LCORL: variants seen among roughly 807,000 people sequenced by gnomAD.
LCORL encodes the protein ligand dependent nuclear receptor corepressor like, also known as ligand-dependent nuclear receptor corepressor-like protein.
In LCORL, 41 loss-of-function variants were observed where a neutral mutation model predicts 141.8. The observed-to-expected ratio is 0.29, with a 90% CI of 0.23 to 0.38. LCORL has a LOEUF of 0.38. Among genes scored for constraint, LCORL ranks in the 10% least tolerant of loss-of-function variants. LCORL has a pLI of 1.00. For synonymous variants in LCORL, 618 were observed against 694.1 expected, an observed-to-expected ratio of 0.89 and a Z score of 1.72; for missense variants, 1,759 against 2,035.0, an observed-to-expected ratio of 0.86 and a Z score of 2.61.
intron 7 of LCORL, among the ~76,000 whole-genome samples, chr4:17,871,820 A>G (rs1726371491): frequency 6.6e-6 from 1 of 151,928 alleles, no homozygotes; most frequent in African/African-American, 2.4e-5. Context: ...GCACTTTTTA[A>G]AGTTTTGATT....
Position 17,948,315 on chromosome 4 carries a change from T to C in LCORL, c.430+13588A>G, listed in dbSNP as rs6812473. 4.0e-3 allele frequency among the ~76,000 whole-genome samples: 602 copies of C among 152,152 alleles called. 4 individuals carry two copies. The highest frequency in any genetic ancestry group is 0.014 in the African/African-American group (582 of 41,562). On this transcript the variant is annotated intron_variant, in intron 4 of 7. Coordinates refer to ENST00000635767, the Ensembl canonical transcript of LCORL. ...GAATCTGGGCCACAGAGTAGGGTTT[T>C]AAACTTCTCATTTTCTGGAGAGCAG...
intron 4 of LCORL, among the ~76,000 whole-genome samples, chr4:17,952,227 A>T (rs1711521810): frequency 6.6e-6 from 1 of 152,116 alleles, no homozygotes; most frequent in Middle Eastern, 3.2e-3. Flanking sequence ...CACAGACGGT[A>T]ATTCAAAAAA....
chr4:17,977,868 T>C (rs558247568), intron 1 of LCORL, among the ~76,000 whole-genome samples: 7 of 152,338 alleles, frequency 4.6e-5, no homozygotes, highest in South Asian at 2.1e-4. Context: ...CTAAAAGTTA[T>C]AGAGATTTAA....
intron 1 of LCORL, among the ~76,000 whole-genome samples, chr4:18,005,944 T>C (rs1421090028): frequency 1.3e-5 from 2 of 152,204 alleles, no homozygotes; most frequent in Non-Finnish European, 2.9e-5. Context: ...GGCTCCTCAT[T>C]ACTCACGCAA....
intron 7 of LCORL, among the ~76,000 whole-genome samples, chr4:17,868,402 A>C (rs1443700675): frequency 6.6e-6 from 1 of 152,100 alleles, no homozygotes; most frequent in Non-Finnish European, 1.5e-5. Context: ...TAGGATGGCT[A>C]CTATTATTAC....
At chr4:17,908,518 CTCT>C (rs946388420) in intron 5 of LCORL, among the ~76,000 whole-genome samples, 3 of 152,280 alleles carry the variant, frequency 2.0e-5, no homozygotes, top group Non-Finnish European at 2.9e-5. Flanking sequence ...ACTTAAAAGG[CTCT>C]TCTTCTTGCC....
Position 18,021,472 on chromosome 4 carries a change from C to G in LCORL, c.154+126G>C. On this transcript the variant is annotated intron_variant, in intron 1 of 7. Transcript: ENST00000635767. The surrounding 1 kb of genome is among the most constrained non-coding windows in gnomAD (Gnocchi z 5.5). ...CCGGGGCCGCCGCGCCGCGCCGCTC[C>G]CATCTCGCTCCCCCACCGAACTAAC... The G allele has an allele frequency of 2.6e-6, 2 of 766,636 alleles. No homozygotes were observed. The highest frequency in any genetic ancestry group is 3.8e-6 in the Non-Finnish European group (2 of 519,530). The allele number at this position is 766,636 out of a possible 1,614,324, so 47.5% of individuals were successfully genotyped here. A position where few individuals can be genotyped will look rare whatever the true frequency, so the allele number is the denominator to read the frequency against.
exon 7 of LCORL, chr4:17,875,079 T>C: frequency 8.1e-7 from 1 of 1,233,720 alleles, no homozygotes; most frequent in African/African-American, 1.5e-5. Context: ...CCTTATTTTA[T>C]CCATTTGAGT....
chr4:17,848,490 C>A (rs1723196807), intron 7 of LCORL, among the ~76,000 whole-genome samples: 1 of 152,238 alleles, frequency 6.6e-6, no homozygotes, highest in South Asian at 2.1e-4. Flanking sequence ...GCTGAGACTA[C>A]AAGTGTGTGC....
At chr4:17,887,049 A>T (rs1307651720) in intron 5 of LCORL, among the ~76,000 whole-genome samples, 1 of 152,126 alleles carries the variant, frequency 6.6e-6, no homozygotes, top group Non-Finnish European at 1.5e-5. Context: ...GGCTTAAAAA[A>T]TTCAACTGGG....
chr4:17,851,590 C>G (rs1369932747), intron 7 of LCORL, among the ~76,000 whole-genome samples: 1 of 152,150 alleles, frequency 6.6e-6, no homozygotes, highest in Admixed American at 6.5e-5. Context: ...TTGATTTTAT[C>G]AGTCCTCAAT....
At chr4:17,870,942 T>C (rs1051605818) in intron 7 of LCORL, among the ~76,000 whole-genome samples, 2 of 152,162 alleles carry the variant, frequency 1.3e-5, no homozygotes, top group Non-Finnish European at 2.9e-5. Context: ...ACAAGATATT[T>C]GTGATAGAAG....
At chr4:17,876,164 T>A in exon 7 of LCORL, 3 of 1,231,012 alleles carry the variant, frequency 2.4e-6, no homozygotes, top group Non-Finnish European at 3.0e-6. Context: ...CATATTTTGC[T>A]GGTACATTTT....
intron 1 of LCORL, among the ~76,000 whole-genome samples, chr4:17,993,370 A>AT (rs1006175478): frequency 6.6e-6 from 1 of 151,914 alleles, no homozygotes; most frequent in African/African-American, 2.4e-5. Context: ...AACTGGCTTA[A>AT]TTTTTTTGTA....
At chr4:18,007,770 C>CTCA (rs1425651125) in intron 1 of LCORL, among the ~76,000 whole-genome samples, 1 of 152,148 alleles carries the variant, frequency 6.6e-6, no homozygotes, top group Non-Finnish European at 1.5e-5. Context: ...TCAGCAGAAA[C>CTCA]TCACTCTGAC....
intron 7 of LCORL, among the ~76,000 whole-genome samples, chr4:17,872,954 A>G (rs1726529128): frequency 6.6e-6 from 1 of 152,088 alleles, no homozygotes; most frequent in South Asian, 2.1e-4. Context: ...TTTTTTAAAA[A>G]CATGGTCTCA....
chr4:17,854,694 C>T (rs1043135914), intron 7 of LCORL, among the ~76,000 whole-genome samples: 1 of 151,394 alleles, frequency 6.6e-6, no homozygotes, highest in Non-Finnish European at 1.5e-5. Context: ...TAAAAAAAAA[C>T]AAAAACAAAA....
intron 4 of LCORL, among the ~76,000 whole-genome samples, chr4:17,940,108 ATGTG>A (rs957623447): frequency 1.4e-5 from 2 of 146,382 alleles, no homozygotes; most frequent in African/African-American, 5.0e-5. Flanking sequence ...AGGTAGATAT[ATGTG>A]TGTGTATATA....
At chr4:17,964,462 A>G (rs1200772067) in intron 2 of LCORL, among the ~76,000 whole-genome samples, 1 of 152,178 alleles carries the variant, frequency 6.6e-6, no homozygotes. Context: ...TTTTAATCCT[A>G]TATGATTGTA....
Sources: gnomAD v4.1 joint callset for allele counts (sites outside exome capture counted in the v4.1 genomes callset) on GRCh38, gnomAD v4.1.1 for gene constraint, Gnocchi (gnomAD v3.1) non-coding constraint, MANE v1.5 for transcripts, NCBI Gene and HGNC (gene_info 2026-07-23, HGNC 2026-07-21) for gene names.